The following NELL1 variants were observed in gnomAD, a reference collection of about 807,000 sequenced individuals.
NELL1 encodes the protein protein kinase C-binding protein NELL1.
In NELL1, 76 loss-of-function variants were observed where a neutral mutation model predicts 107.4. That is an observed-to-expected ratio of 0.71 (90% CI 0.59 to 0.86). The LOEUF (loss-of-function observed/expected upper bound fraction) is 0.86. NELL1 is among the 40% of genes least tolerant of loss of function. NELL1 has a pLI of 0.00. For missense variants in NELL1, 1,024 were observed against 1,005.5 expected, an observed-to-expected ratio of 1.02 and a Z score of -0.25; for synonymous variants, 353 against 341.2, an observed-to-expected ratio of 1.03 and a Z score of -0.38.
At position 21,126,359 on chromosome 11, in the gene NELL1, T is replaced by TAATAAATA. The variant is rs3046342; in HGVS notation, c.1426+12660_1426+12667dup. On this transcript the variant is annotated intron_variant, in intron 13 of 19. Coordinates refer to ENST00000357134, the MANE Select transcript of NELL1 (RefSeq NM_006157.5). ...ACTGTTGTCCAAAAACCTATTGAGA[T>TAATAAATA]AATAAATAAATAAATAAATAAAATG... Among the ~76,000 whole-genome samples the TAATAAATA allele has an allele frequency of 3.9e-3, 590 of 150,658 alleles. 1 individual carries two copies. The highest frequency in any genetic ancestry group is 9.7e-3 in the African/African-American group (398 of 40,996).
intron 2 of NELL1, among the ~76,000 whole-genome samples, chr11:20,778,493 C>T (rs949225857): frequency 3.5e-5 from 5 of 142,308 alleles, no homozygotes; most frequent in African/African-American, 1.4e-4. Context: ...TCCCTTCACC[C>T]AGCACTTTTT....
intron 14 of NELL1, among the ~76,000 whole-genome samples, chr11:21,370,566 T>C (rs997726685): frequency 6.6e-5 from 10 of 152,106 alleles, no homozygotes; most frequent in African/African-American, 2.4e-4. Flanking sequence ...TGATTTCAAA[T>C]GTATAAATGA....
chr11:21,324,981 C>T (rs1230092503), intron 14 of NELL1, among the ~76,000 whole-genome samples: 1 of 152,036 alleles, frequency 6.6e-6, no homozygotes, highest in Non-Finnish European at 1.5e-5. Flanking sequence ...CTCCCCCCAT[C>T]TTTGTTTTAT....
chr11:20,945,897 G>A (rs114398723), intron 10 of NELL1, among the ~76,000 whole-genome samples: 1 of 152,280 alleles, frequency 6.6e-6, no homozygotes, highest in African/African-American at 2.4e-5. Context: ...ACAATTGTAA[G>A]ATAGTCAGGA....
chr11:21,265,444 C>T (rs1848617334), intron 14 of NELL1, among the ~76,000 whole-genome samples: 1 of 151,972 alleles, frequency 6.6e-6, no homozygotes, highest in South Asian at 2.1e-4. Context: ...TGGCTCTCCA[C>T]AGTTTTCTGC....
chr11:21,410,133 C>T (rs569467333), intron 15 of NELL1, among the ~76,000 whole-genome samples: 1 of 152,058 alleles, frequency 6.6e-6, no homozygotes, highest in African/African-American at 2.4e-5. Flanking sequence ...TTAAGTGGGA[C>T]ATTGTTTTTC....
chr11:21,537,299 T>C (rs1298727803), intron 16 of NELL1, among the ~76,000 whole-genome samples: 1 of 152,180 alleles, frequency 6.6e-6, no homozygotes, highest in African/African-American at 2.4e-5. Flanking sequence ...TAACTTTATA[T>C]GGCCTTCATG....
chr11:20,902,836 C>G (rs1050427499), intron 5 of NELL1, among the ~76,000 whole-genome samples: 10 of 151,810 alleles, frequency 6.6e-5, no homozygotes, highest in Non-Finnish European at 1.5e-5. Context: ...AATGAAAAAG[C>G]TAGCAGAAGG....
intron 13 of NELL1, among the ~76,000 whole-genome samples, chr11:21,223,806 C>T (rs1857822961): frequency 6.6e-6 from 1 of 152,176 alleles, no homozygotes; most frequent in Non-Finnish European, 1.5e-5. Flanking sequence ...TTGCCCTACA[C>T]TTCCTGATGT....
Position 20,761,467 on chromosome 11 carries a change from T to C in NELL1, c.185-22213T>C, listed in dbSNP as rs567732831. Among the ~76,000 whole-genome samples the C allele has an allele frequency of 2.0e-5, 3 of 152,368 alleles. No individual in the cohort carries two copies. In the East Asian group the frequency reaches 5.8e-4, roughly 29 times the overall value. The stretch of plus-strand genomic sequence containing the variant: ...TGAAAATACAACATACGCTTCAAGC[T>C]TTTTGCATTCTGCTTTTCTTGAGAA... On this transcript the variant is annotated intron_variant, in intron 2 of 19. Transcript: ENST00000357134.
intron 13 of NELL1, among the ~76,000 whole-genome samples, chr11:21,142,978 A>C (rs1363194331): frequency 6.6e-6 from 1 of 152,174 alleles, no homozygotes; most frequent in Non-Finnish European, 1.5e-5. Flanking sequence ...GTCCCAACTT[A>C]TATGTAAGTA....
chr11:20,989,538 T>G (rs1160883737), intron 12 of NELL1, among the ~76,000 whole-genome samples: 1 of 152,180 alleles, frequency 6.6e-6, no homozygotes, highest in African/African-American at 2.4e-5. Flanking sequence ...ATTTCATACT[T>G]GACAGCAGAA....
At chr11:20,827,083 A>G (rs1857900965) in intron 3 of NELL1, among the ~76,000 whole-genome samples, 1 of 151,212 alleles carries the variant, frequency 6.6e-6, no homozygotes, top group Admixed American at 6.7e-5. Context: ...GGAGTGCGGA[A>G]AGAACCATGG....
chr11:20,772,983 C>G lies in NELL1; in HGVS notation c.185-10697C>G, dbSNP rs183662066. Among the ~76,000 whole-genome samples the G allele has an allele frequency of 2.5e-3, 380 of 152,300 alleles. 2 individuals carry two copies. The highest frequency in any genetic ancestry group is 4.3e-3 in the Non-Finnish European group (293 of 68,020). On this transcript the variant is annotated intron_variant, in intron 2 of 19. Transcript: ENST00000357134. ...TGACATCTAGCAAAAATAAAAAATT[C>G]AGAACTGTTTGGAAATTGGCTGGCT... is the stretch of plus-strand genomic sequence containing the variant.
At chr11:21,038,132 C>A (rs1483238467) in intron 12 of NELL1, among the ~76,000 whole-genome samples, 1 of 152,110 alleles carries the variant, frequency 6.6e-6, no homozygotes, top group Non-Finnish European at 1.5e-5. Flanking sequence ...TATAAGCGAA[C>A]TGCAAGCATC....
In NELL1 at chr11:21,570,823, A is replaced by G. The variant is rs766575732; in HGVS notation, c.2040A>G (p.Leu680=). 3 of 1,611,870 alleles carry G rather than the reference A, an allele frequency of 1.9e-6. No homozygotes were observed. In the East Asian group the frequency reaches 6.7e-5, roughly 36 times the overall value. ...ACDCQNPSAD[L]FCCPECDTRV... ...ATTGCCAGAATCCAAGTGCTGACCT[A>G]TTCTGTTGCCCAGAATGTGACACCA... The change falls in exon 18 of 20, where the codon CTA becomes CTG. Residue 680 remains leucine (L), a synonymous_variant. Transcript: ENST00000357134.
intron 16 of NELL1, among the ~76,000 whole-genome samples, chr11:21,534,832 GT>G (rs1856094727): frequency 6.6e-6 from 1 of 152,070 alleles, no homozygotes; most frequent in Admixed American, 6.6e-5. Context: ...ATTTTTGACA[GT>G]TTGGGAGGCA....
chr11:20,717,663 C>T (rs1207023008), intron 2 of NELL1, among the ~76,000 whole-genome samples: 2 of 152,074 alleles, frequency 1.3e-5, no homozygotes, highest in Non-Finnish European at 2.9e-5. Context: ...TTAAATGTTA[C>T]TTTCTTAAGG....
intron 14 of NELL1, among the ~76,000 whole-genome samples, chr11:21,348,102 G>GAAAAAAA (rs72355949): frequency 1.3e-5 from 2 of 151,812 alleles, no homozygotes; most frequent in Admixed American, 6.6e-5. Context: ...GGGTTGCAAT[G>GAAAAAAA]TCTTCCAGAA....
Sources: gnomAD v4.1 joint callset for allele counts (sites outside exome capture counted in the v4.1 genomes callset) on GRCh38, gnomAD v4.1.1 for gene constraint, MANE v1.5 for transcripts, NCBI Gene and HGNC (gene_info 2026-07-23, HGNC 2026-07-21) for gene names.